The following GLRA3 variants were observed in gnomAD, a reference collection of about 807,000 sequenced individuals.
The protein encoded by GLRA3 is glycine receptor subunit alpha-3.
Under a neutral mutation model 60.4 loss-of-function variants are expected in GLRA3, and 44 were observed. The ratio of observed to expected loss-of-function variants is 0.73; its 90% CI spans 0.57 to 0.94. GLRA3 has a LOEUF of 0.94. GLRA3 is among the 40% of genes least tolerant of loss of function. The pLI is 0.00. For synonymous variants in GLRA3, 223 were observed against 192.9 expected, an observed-to-expected ratio of 1.16 and a Z score of -1.29; for missense variants, 508 against 564.6, an observed-to-expected ratio of 0.90 and a Z score of 1.02.
At chr4:174,807,147 G>A (rs1740084833) in intron 1 of GLRA3, among the ~76,000 whole-genome samples, 1 of 151,914 alleles carries the variant, frequency 6.6e-6, no homozygotes, top group South Asian at 2.1e-4. Flanking sequence ...AAGATACAGA[G>A]AACAACTACT....
chr4:174,812,021 A>T (rs1740295903), intron 1 of GLRA3, among the ~76,000 whole-genome samples: 1 of 152,208 alleles, frequency 6.6e-6, no homozygotes. Flanking sequence ...AAATAAAAAC[A>T]CTATATACAT....
chr4:174,649,753 A>T (rs1484377276), intron 9 of GLRA3, among the ~76,000 whole-genome samples: 3 of 152,126 alleles, frequency 2.0e-5, no homozygotes, highest in Non-Finnish European at 4.4e-5. Context: ...TTTTGGACGC[A>T]AAACTCTATC....
intron 4 of GLRA3, among the ~76,000 whole-genome samples, chr4:174,718,139 T>C (rs1341610250): frequency 6.6e-6 from 1 of 152,250 alleles, no homozygotes; most frequent in Non-Finnish European, 1.5e-5. Context: ...TTCATCGACT[T>C]TTCTTTCTTT....
intron 3 of GLRA3, among the ~76,000 whole-genome samples, chr4:174,741,391 G>A (rs1737020163): frequency 6.6e-6 from 1 of 152,106 alleles, no homozygotes; most frequent in African/African-American, 2.4e-5. Context: ...TTTTAGTGAA[G>A]TGTAACAAAC....
chr4:174,808,654 G>C (rs1740143634), intron 1 of GLRA3, among the ~76,000 whole-genome samples: 1 of 152,090 alleles, frequency 6.6e-6, no homozygotes, highest in Non-Finnish European at 1.5e-5. Flanking sequence ...GGAGATAACA[G>C]TTCCACACAT....
chr4:174,706,998 T>C (rs1174694546), intron 5 of GLRA3, among the ~76,000 whole-genome samples: 2 of 152,164 alleles, frequency 1.3e-5, no homozygotes, highest in African/African-American at 4.8e-5. Context: ...ATTATAATCT[T>C]ATTACCAACT....
chr4:174,765,164 G>C, intron 3 of GLRA3, among the ~76,000 whole-genome samples: 1 of 142,760 alleles, frequency 7.0e-6, no homozygotes, highest in East Asian at 2.2e-4. Context: ...AGCTTTTGCA[G>C]AATGCTATTC....
At chr4:174,799,393 C>A (rs1739718995) in intron 1 of GLRA3, among the ~76,000 whole-genome samples, 1 of 152,144 alleles carries the variant, frequency 6.6e-6, no homozygotes, top group East Asian at 1.9e-4. Context: ...TGATTGAGAC[C>A]TAGATAAAAA....
chr4:174,777,240 G>A (rs1001569689), intron 2 of GLRA3, among the ~76,000 whole-genome samples: 4 of 152,120 alleles, frequency 2.6e-5, no homozygotes, highest in Admixed American at 6.5e-5. Context: ...ATGTCAGTAG[G>A]CAATGAATCA....
At chr4:174,646,832 C>T (rs1319311408) in intron 9 of GLRA3, among the ~76,000 whole-genome samples, 2 of 152,096 alleles carry the variant, frequency 1.3e-5, no homozygotes, top group Non-Finnish European at 2.9e-5. Flanking sequence ...ACAATTGGAA[C>T]CTCAAATCTC....
intron 1 of GLRA3, among the ~76,000 whole-genome samples, chr4:174,812,434 A>G (rs184750804): frequency 6.6e-5 from 10 of 152,210 alleles, no homozygotes; most frequent in African/African-American, 2.4e-4. Flanking sequence ...TCCCCTTTAA[A>G]TGGAAGGCAT....
rs1473610108 is a variant in GLRA3 at position 174,638,165 on chromosome 4, CAG to C, written c.*5619_*5620del. The C allele has an allele frequency of 6.6e-6, 1 of 151,920 alleles. No individual in the cohort carries two copies. The highest frequency in any genetic ancestry group is 1.5e-5 in the Non-Finnish European group (1 of 68,010). The allele number at this position is 151,920 out of a possible 1,614,324, so 9.4% of individuals were successfully genotyped here. A position where few individuals can be genotyped will look rare whatever the true frequency, so the allele number is the denominator to read the frequency against. On this transcript the variant is annotated 3_prime_UTR_variant, in exon 10 of 10. Transcript: ENST00000274093. ...TCACAATGGAACAGAAGACTGCCCTCAGAGTAATGAGCTACCTGTTGCTATCT... is the reference window on the plus strand; with the variant it reads ...TCACAATGGAACAGAAGACTGCCCTCAGTAATGAGCTACCTGTTGCTATCT...
chr4:174,661,399 G>A (rs75627478), intron 7 of GLRA3, among the ~76,000 whole-genome samples: 2,967 of 152,162 alleles, frequency 0.019, 38 homozygotes, highest in Middle Eastern at 0.044. Context: ...ATCATTCACC[G>A]TGTATGTGAC....
chr4:174,643,395 A>ATTAT lies in GLRA3; in HGVS notation c.*390_*391insATAA. On this transcript the variant is annotated 3_prime_UTR_variant, in exon 10 of 10. Transcript: ENST00000274093. Reference sequence around the variant, plus strand: ...GTTTTAAATCTCAAACTATTGGTTTACTGTGCAAAATTTGCTTTTGTATGA... The same window carrying ATTAT: ...GTTTTAAATCTCAAACTATTGGTTTATTATCTGTGCAAAATTTGCTTTTGTATGA... The ATTAT allele has an allele frequency of 2.4e-4, 85 of 359,270 alleles. No individual in the cohort carries two copies. The highest frequency in any genetic ancestry group is 4.0e-4 in the African/African-American group (2 of 4,982). 22.3% of individuals were successfully genotyped at this position (359,270 alleles called of 1,614,324 possible).
chr4:174,818,724 T>G (rs2111390712), intron 1 of GLRA3, among the ~76,000 whole-genome samples: 1 of 152,314 alleles, frequency 6.6e-6, no homozygotes, highest in African/African-American at 2.4e-5. Context: ...CCTCTGCTGC[T>G]TCTATTCTTA....
intron 1 of GLRA3, among the ~76,000 whole-genome samples, chr4:174,824,699 C>T (rs973020981): frequency 2.0e-5 from 3 of 152,076 alleles, no homozygotes; most frequent in African/African-American, 4.8e-5. Flanking sequence ...CATTTTGCCC[C>T]TTGAACAAAT....
chr4:174,650,386 T>C (rs915682804), intron 9 of GLRA3, among the ~76,000 whole-genome samples: 9 of 152,166 alleles, frequency 5.9e-5, no homozygotes, highest in Non-Finnish European at 8.8e-5. Context: ...TCACTGATTG[T>C]GCAAGTATCT....
rs1027422912 is a variant in GLRA3 at position 174,639,454 on chromosome 4, T to C, written c.*4332A>G. 3.3e-5 allele frequency: 5 copies of C among 151,622 alleles called. No individual in the cohort carries two copies. Among genetic ancestry groups the C allele is most frequent in the African/African-American group, 1.2e-4 (5 of 41,298 alleles). The allele number at this position is 151,622 out of a possible 1,614,324, so 9.4% of individuals were successfully genotyped here. ...GGAAAGGGAAGAGATGAAGGCATTA[T>C]TAAGATGTAAAATGTAGACCAAAAA... On this transcript the variant is annotated 3_prime_UTR_variant, in exon 10 of 10. Transcript: ENST00000274093.
At chr4:174,776,822 G>C (rs945061068) in intron 2 of GLRA3, among the ~76,000 whole-genome samples, 11 of 152,254 alleles carry the variant, frequency 7.2e-5, no homozygotes, top group African/African-American at 2.6e-4. Context: ...CTGCGTAGCA[G>C]CTTGTAACAC....
Sources: gnomAD v4.1 joint callset for allele counts (sites outside exome capture counted in the v4.1 genomes callset) on GRCh38, gnomAD v4.1.1 for gene constraint, MANE v1.5 for transcripts, NCBI Gene and HGNC (gene_info 2026-07-23, HGNC 2026-07-21) for gene names.